The following TMC3 variants were observed in gnomAD, a reference collection of about 807,000 sequenced individuals.
TMC3 encodes transmembrane channel like 3, also known as transmembrane channel-like protein 3.
TMC3 carries 98 observed loss-of-function variants against 110.6 expected under a neutral mutation model. The ratio of observed to expected loss-of-function variants is 0.89; its 90% confidence interval spans 0.75 to 1.05. The LOEUF is 1.05. Among genes scored for constraint, TMC3 ranks in the 50% least tolerant of loss-of-function variants. The probability of loss-of-function intolerance (pLI) is 0.00; values close to 1 mark genes in which losing one functional copy is unlikely to be tolerated. For missense variants in TMC3, 1,319 were observed against 1,373.2 expected (o/e 0.96, Z 0.62); for synonymous variants, 489 against 513.1 (o/e 0.95, Z 0.63).
chr15:81,344,723 T>G (rs1310286729), intron 13 of TMC3, 43 bp downstream of exon 13: 1,366 of 1,565,086 alleles, frequency 8.7e-4, no homozygotes, highest in Non-Finnish European at 1.1e-3. Context: ...GGTTAAGTGA[T>G]GAGATGGATA....
At position 81,341,661 on chromosome 15, in the gene TMC3, C is replaced by A. The variant is rs569161771; in HGVS notation, c.1716-143G>T. On this transcript the variant is annotated intron_variant, in intron 15 of 21. Transcript: ENST00000359440. ...AAGGACTGGAAAAGCCCCTGAAGTCCCGAGACCACAACCCTCCACCTTCTA... is the reference window on the plus strand; with the variant it reads ...AAGGACTGGAAAAGCCCCTGAAGTCACGAGACCACAACCCTCCACCTTCTA... 151 of 764,872 alleles carry A rather than the reference C, an allele frequency of 2.0e-4. No individual in the cohort carries two copies. The African/African-American group carries it at 2.5e-3, about 13-fold the overall frequency. The allele number at this position is 764,872 out of a possible 1,614,324, so 47.4% of individuals were successfully genotyped here.
chr15:81,354,493 C>T (rs1444635825), intron 9 of TMC3, among the ~76,000 whole-genome samples: 2 of 152,218 alleles, frequency 1.3e-5, no homozygotes, highest in Non-Finnish European at 2.9e-5. Flanking sequence ...CAGCATTGCA[C>T]CCAGCCTCTT....
chr15:81,358,235 G>A lies in TMC3; in HGVS notation c.657C>T (p.Ile219=), dbSNP rs765900743. 1.6e-5 allele frequency: 26 copies of A among 1,613,200 alleles called. No individual in the cohort carries two copies. Among genetic ancestry groups the A allele is most frequent in the Middle Eastern group, 3.3e-4 (2 of 6,082 alleles). The change falls in exon 7 of 22, where the codon ATC becomes ATT. Residue 219 remains isoleucine, a synonymous_variant. Transcript: ENST00000359440. ...FYGYYGRERK[I]GRAGYRLPLA... Reference sequence around the variant, plus strand: ...AGGGCAGCCGGTAGCCAGCTCTCCCGATCTTCCTCTCCCTGCCGTAATATC... The same window carrying A: ...AGGGCAGCCGGTAGCCAGCTCTCCCAATCTTCCTCTCCCTGCCGTAATATC...
At chr15:81,358,062 T>G in intron 7 of TMC3, 87 bp downstream of exon 7, 1 of 1,407,780 alleles carries the variant, frequency 7.1e-7, no homozygotes, top group Non-Finnish European at 9.4e-7. Flanking sequence ...CATACTTTTT[T>G]AAAAGAATGA....
intron 2 of TMC3, 49 bp from the exon 3 acceptor site, chr15:81,368,377 A>G (rs7162538): frequency 0.065 from 95,264 of 1,461,952 alleles, 3,423 homozygotes; most frequent in African/African-American, 0.11. Flanking sequence ...CACACTTACA[A>G]TTTCTGCAAA....
chr15:81,368,057 C>T (rs369802588), intron 3 of TMC3, among the ~76,000 whole-genome samples, 196 bp downstream of exon 3: 1 of 152,146 alleles, frequency 6.6e-6, no homozygotes, highest in African/African-American at 2.4e-5. Flanking sequence ...GCCTCAGCCT[C>T]CCAAGTAGCT....
intron 7 of TMC3, 29 bp from the exon 8 acceptor site, chr15:81,356,623 G>C: frequency 6.4e-7 from 1 of 1,569,444 alleles, no homozygotes; most frequent in Non-Finnish European, 8.6e-7. Context: ...AACAGGTCTT[G>C]GGAGTCTCAG....
intron 3 of TMC3, among the ~76,000 whole-genome samples, chr15:81,366,970 T>C (rs1159656605): frequency 6.6e-6 from 1 of 152,178 alleles, no homozygotes; most frequent in African/African-American, 2.4e-5. Flanking sequence ...GTGCAGGTAT[T>C]ATGAGACTAA....
At chr15:81,373,195 C>A (rs1894476350) in intron 1 of TMC3, among the ~76,000 whole-genome samples, 1 of 152,110 alleles carries the variant, frequency 6.6e-6, no homozygotes, top group Admixed American at 6.6e-5. Flanking sequence ...AAAACTTCTG[C>A]CACTCAGAAA....
chr15:81,338,597 T>G, intron 18 of TMC3, 58 bp downstream of exon 18: 1 of 1,586,122 alleles, frequency 6.3e-7, no homozygotes, highest in Non-Finnish European at 8.6e-7. Flanking sequence ...GAAAGCAGCG[T>G]TTTCTTGTTG....
chr15:81,333,916 G>A (rs1267822832), intron 21 of TMC3, among the ~76,000 whole-genome samples: 1 of 152,036 alleles, frequency 6.6e-6, no homozygotes, highest in African/African-American at 2.4e-5. Context: ...CTTGAACCTG[G>A]GAGGTGGAGG....
intron 15 of TMC3, among the ~76,000 whole-genome samples, chr15:81,342,332 T>C (rs1596081540): frequency 1.3e-5 from 2 of 152,190 alleles, no homozygotes; most frequent in Non-Finnish European, 2.9e-5. Context: ...TAACAAGAAA[T>C]GTTCAGTTAT....
chr15:81,346,311 A>G, intron 12 of TMC3, 54 bp downstream of exon 12: 1 of 1,462,534 alleles, frequency 6.8e-7, no homozygotes, highest in Non-Finnish European at 9.6e-7. Flanking sequence ...TGTTGGGAGG[A>G]GGTAGCAGAG....
rs77308390 is a variant in TMC3, at chr15:81,344,826, G to T, written c.1458C>A (p.Asn486Lys). 0.012 allele frequency: 19,141 copies of T among 1,613,906 alleles called. 903 individuals are homozygous for T. The Admixed American group carries it at 0.14, about 12-fold the overall frequency. ...SAYTMPLIKANKTSLHTQSPQ... is the reference protein window; with the variant it reads ...SAYTMPLIKAKKTSLHTQSPQ... Reference sequence around the variant, plus strand: ...GACTCTGAGTGTGGAGGCTAGTCTTGTTGGCCTTTATAAGAGGCATGGTAT... The same window carrying T: ...GACTCTGAGTGTGGAGGCTAGTCTTTTTGGCCTTTATAAGAGGCATGGTAT... The change falls in exon 13 of 22, where the codon AAC becomes AAA. Residue 486 changes from asparagine to lysine, a missense_variant. Physicochemically the swap from Asn to Lys is moderately conservative, Grantham distance 94. Coordinates refer to ENST00000359440, the MANE Select transcript of TMC3 (RefSeq NM_001080532.3).
chr15:81,339,368 C>T (rs545666067), intron 17 of TMC3, 26 bp downstream of exon 17: 32 of 1,522,938 alleles, frequency 2.1e-5, no homozygotes, highest in Admixed American at 1.3e-4. Context: ...TCAGTCACTC[C>T]GGGCAGAGCT....
intron 4 of TMC3, among the ~76,000 whole-genome samples, chr15:81,360,556 G>C (rs1436908343): frequency 6.6e-6 from 1 of 152,134 alleles, no homozygotes; most frequent in East Asian, 1.9e-4. Flanking sequence ...AAAGGGATTT[G>C]GCTACAGGTG....
Position 81,337,844 on chromosome 15 carries a change from GC to G in TMC3, c.2160+1del, listed in dbSNP as rs1471361316. 32 of 1,612,388 alleles carry G rather than the reference GC, an allele frequency of 2.0e-5. No homozygotes were observed. The highest frequency in any genetic ancestry group is 2.4e-5 in the Non-Finnish European group (28 of 1,178,508). ...TAATAGCAAAGTTCATGAAATACTT[GC>G]GTTTTGGATCTGCATTTTGAGCTGG... On this transcript the variant is annotated splice_donor_variant, in intron 19 of 21. Transcript: ENST00000359440. LOFTEE classifies it high-confidence loss of function.
chr15:81,331,896 G>A lies in TMC3; in HGVS notation c.*523C>T, dbSNP rs552016865. On this transcript the variant is annotated 3_prime_UTR_variant, in exon 22 of 22. Coordinates refer to ENST00000359440, the MANE Select transcript of TMC3 (RefSeq NM_001080532.3). ...GCGCATGCGGACAGCCCACCCCAAG[G>A]GAAGAAAGGGAAGAATCGTGGGGAG... The A allele has an allele frequency of 2.6e-5, 4 of 153,536 alleles. No individual in the cohort carries two copies. Among genetic ancestry groups the A allele is most frequent in the Admixed American group, 1.3e-4 (2 of 15,496 alleles). The allele number at this position is 153,536 out of a possible 1,614,324, so 9.5% of individuals were successfully genotyped here.
chr15:81,332,385 G>T lies in TMC3; in HGVS notation c.*34C>A. 6.4e-7 allele frequency: 1 copy of T among 1,560,816 alleles called. No individual in the cohort carries two copies. Among genetic ancestry groups the T allele is most frequent in the Non-Finnish European group, 8.7e-7 (1 of 1,150,846 alleles). On this transcript the variant is annotated 3_prime_UTR_variant, in exon 22 of 22. Coordinates refer to ENST00000359440, the MANE Select transcript of TMC3 (RefSeq NM_001080532.3). ...GTGCTGGCCCAGCACTCCAACAGGG[G>T]CCTGACCTCTAGGAACGGGACACTG...
Sources: allele counts gnomAD v4.1 joint callset (sites outside exome capture counted in the v4.1 genomes callset), GRCh38; gene constraint gnomAD v4.1.1; transcripts MANE v1.5; gene names NCBI Gene and HGNC (gene_info 2026-07-23, HGNC 2026-07-21).